The following ARFGAP3 variants were observed in gnomAD, a reference collection of about 807,000 sequenced individuals.
ARFGAP3 encodes the protein ADP-ribosylation factor GTPase-activating protein 3.
In ARFGAP3, 72 loss-of-function variants were observed where a neutral mutation model predicts 75.0. The ratio of observed to expected loss-of-function variants is 0.96; its 90% confidence interval spans 0.79 to 1.17. The LOEUF (loss-of-function observed/expected upper bound fraction) is 1.17. Ranked by LOEUF, ARFGAP3 falls within the 50% of genes most tolerant of loss-of-function variation. The pLI is 0.00. For missense variants in ARFGAP3, 620 were observed against 626.6 expected (o/e 0.99, Z 0.11); for synonymous variants, 221 against 217.9 (o/e 1.01, Z -0.13).
intron 12 of ARFGAP3, among the ~76,000 whole-genome samples, chr22:42,810,508 T>C (rs1925318993): frequency 6.6e-6 from 1 of 152,042 alleles, no homozygotes. Context: ...CAAAACAATA[T>C]TCCTGAAATA....
intron 14 of ARFGAP3, among the ~76,000 whole-genome samples, chr22:42,804,094 C>T (rs1212401245): frequency 6.6e-6 from 1 of 151,326 alleles, no homozygotes; most frequent in Non-Finnish European, 1.5e-5. Flanking sequence ...TGTAGAGACA[C>T]GGTTTTGCCA....
chr22:42,844,706 GT>G (rs1197214308), intron 2 of ARFGAP3, among the ~76,000 whole-genome samples: 1 of 151,696 alleles, frequency 6.6e-6, no homozygotes, highest in Non-Finnish European at 1.5e-5. Context: ...CGGCCCCTCA[GT>G]TTTTTTTAAG....
rs568647005 is a variant in ARFGAP3 at position 42,834,499 on chromosome 22, T to C, written c.394-174A>G. ...CTGCGTGCACTTTAGTAATCTATCA[T>C]CCAGTAAATTTTGCTTCCAAACCTT... On this transcript the variant is annotated intron_variant, in intron 4 of 15. Transcript: ENST00000263245. 5.4e-5 allele frequency: 46 copies of C among 849,132 alleles called. No individual in the cohort carries two copies. In the South Asian group the frequency reaches 2.1e-3, roughly 39 times the overall value. The allele number at this position is 849,132 out of a possible 1,614,324, so 52.6% of individuals were successfully genotyped here.
chr22:42,834,671 C>T (rs1419499903), intron 4 of ARFGAP3, among the ~76,000 whole-genome samples: 5 of 152,138 alleles, frequency 3.3e-5, no homozygotes, highest in Non-Finnish European at 7.4e-5. Flanking sequence ...CTAAAATTTA[C>T]GTTTAACCCA....
At chr22:42,856,283 C>G (rs1927493133) in intron 1 of ARFGAP3, among the ~76,000 whole-genome samples, 1 of 152,082 alleles carries the variant, frequency 6.6e-6, no homozygotes, top group Admixed American at 6.6e-5. Flanking sequence ...TATCGAGGTT[C>G]AATAACAGCT....
chr22:42,856,707 TG>T (rs1297067643), intron 1 of ARFGAP3, among the ~76,000 whole-genome samples: 1 of 152,028 alleles, frequency 6.6e-6, no homozygotes, highest in Non-Finnish European at 1.5e-5. Flanking sequence ...AGGGTGGCGC[TG>T]GGGGAGCCGC....
intron 14 of ARFGAP3, among the ~76,000 whole-genome samples, chr22:42,803,540 T>G (rs1292764538): frequency 6.6e-6 from 1 of 152,208 alleles, no homozygotes; most frequent in African/African-American, 2.4e-5. Flanking sequence ...TTTTGTTGTA[T>G]CCTGGCTCTC....
chr22:42,844,685 A>C (rs1045910665), intron 2 of ARFGAP3, among the ~76,000 whole-genome samples: 6 of 152,050 alleles, frequency 3.9e-5, no homozygotes, highest in African/African-American at 7.2e-5. Context: ...ACAGGTGTGA[A>C]CCACTATGTC....
At position 42,817,737 on chromosome 22, in the gene ARFGAP3, A is replaced by G; in HGVS notation, c.933T>C (p.Asn311=). ...DSDRLGMGFG[N]CRSVISHSVT... ...AAAGCAGTCTCACATACCTTCTGCA[A>G]TTTCCAAATCCCATGCCGAGTCTGT... Residue 311 remains asparagine (N), a synonymous_variant, in exon 10 of 16, where the codon AAT becomes AAC. Transcript: ENST00000263245. 1.9e-6 allele frequency: 3 copies of G among 1,612,288 alleles called. No homozygotes were observed. Among genetic ancestry groups the G allele is most frequent in the Non-Finnish European group, 2.5e-6 (3 of 1,179,118 alleles).
rs376401740 is a variant in ARFGAP3, at chr22:42,799,035, T to C, written c.1533+4A>G. On this transcript the variant is annotated splice_donor_region_variant and intron_variant, in intron 15 of 15. Coordinates refer to ENST00000263245, the MANE Select transcript of ARFGAP3 (RefSeq NM_014570.5). Reference sequence around the variant, plus strand: ...GCCAGTGAGCACTGCCCCATTCCACTGACCTGAATTGAAGTCACGACTCCA... The same window carrying C: ...GCCAGTGAGCACTGCCCCATTCCACCGACCTGAATTGAAGTCACGACTCCA... The C allele has an allele frequency of 6.2e-7, 1 of 1,613,878 alleles. No individual in the cohort carries two copies. The highest frequency in any genetic ancestry group is 1.3e-5 in the African/African-American group (1 of 74,920).
chr22:42,814,867 C>G (rs1013750841), intron 11 of ARFGAP3, among the ~76,000 whole-genome samples: 1 of 152,204 alleles, frequency 6.6e-6, no homozygotes, highest in African/African-American at 2.4e-5. Context: ...TCCCAAGCAG[C>G]TGGGACTACA....
rs566480245 is a variant in ARFGAP3, at chr22:42,855,280, A to C, written c.69+1834T>G. 7.9e-5 allele frequency among the ~76,000 whole-genome samples: 12 copies of C among 152,360 alleles called. No homozygotes were observed. The South Asian group carries it at 2.3e-3, about 29-fold the overall frequency. ...ATTAAATCAAAGAGAATACATGTTGATGTTTCTGAGATAAAGGTGACAAAA... is the reference window on the plus strand; with the variant it reads ...ATTAAATCAAAGAGAATACATGTTGCTGTTTCTGAGATAAAGGTGACAAAA... On this transcript the variant is annotated intron_variant, in intron 1 of 15. Coordinates refer to ENST00000263245, the MANE Select transcript of ARFGAP3 (RefSeq NM_014570.5).
Position 42,808,798 on chromosome 22 carries a change from T to G in ARFGAP3, c.1289A>C (p.Asp430Ala). 1.9e-6 allele frequency: 3 copies of G among 1,613,394 alleles called. No homozygotes were observed. Among genetic ancestry groups the G allele is most frequent in the Non-Finnish European group, 2.5e-6 (3 of 1,179,584 alleles). Reference protein sequence around the residue: ...KFGNVKAISSDMYFGRQSQAD... With the variant: ...KFGNVKAISSAMYFGRQSQAD... ...CTGGGATTGTCTTCCAAAATACATA[T>G]CTGATGAAATGGCCTTGACATTGCC... The change falls in exon 13 of 16, where the codon GAT becomes GCT. Residue 430 changes from aspartate (D) to alanine (A), a missense_variant. Coordinates refer to ENST00000263245, the MANE Select transcript of ARFGAP3 (RefSeq NM_014570.5).
intron 7 of ARFGAP3, 188 bp from the exon 8 acceptor site, chr22:42,823,890 G>T: frequency 7.5e-6 from 3 of 397,580 alleles, no homozygotes; most frequent in Non-Finnish European, 1.0e-5. Context: ...TGTCAAAATG[G>T]TGTCCTCAGT....
At chr22:42,836,856 G>C (rs1039599517) in intron 3 of ARFGAP3, among the ~76,000 whole-genome samples, 6 of 152,202 alleles carry the variant, frequency 3.9e-5, no homozygotes, top group Non-Finnish European at 8.8e-5. Context: ...ATGAAGCACA[G>C]AGAGGTTCAA....
intron 8 of ARFGAP3, among the ~76,000 whole-genome samples, chr22:42,823,126 C>G (rs1263725644): frequency 6.6e-6 from 1 of 151,526 alleles, no homozygotes; most frequent in Non-Finnish European, 1.5e-5. Context: ...TTTTTTTTCC[C>G]CCCCAAATAA....
intron 2 of ARFGAP3, among the ~76,000 whole-genome samples, chr22:42,845,087 T>C (rs1188525090): frequency 2.0e-5 from 3 of 152,114 alleles, no homozygotes; most frequent in Non-Finnish European, 4.4e-5. Context: ...GAGGTTATAA[T>C]GGGCGAGACT....
chr22:42,815,161 G>A (rs1046574305), intron 11 of ARFGAP3, among the ~76,000 whole-genome samples: 2 of 152,174 alleles, frequency 1.3e-5, no homozygotes, highest in African/African-American at 2.4e-5. Context: ...AGTTTCCTCT[G>A]ACCCAGACTT....
chr22:42,821,064 C>A (rs1014159598), intron 9 of ARFGAP3, among the ~76,000 whole-genome samples: 3 of 152,198 alleles, frequency 2.0e-5, no homozygotes, highest in Non-Finnish European at 2.9e-5. Flanking sequence ...CCGACACACA[C>A]GATCATTCCA....
Sources: allele counts gnomAD v4.1 joint callset (sites outside exome capture counted in the v4.1 genomes callset), GRCh38; gene constraint gnomAD v4.1.1; transcripts MANE v1.5; gene names NCBI Gene and HGNC (gene_info 2026-07-23, HGNC 2026-07-21).